The following CILK1 variants were observed in gnomAD, a reference collection of about 807,000 sequenced individuals.
CILK1 encodes the protein serine/threonine-protein kinase ICK.
Under a neutral mutation model 79.2 loss-of-function variants are expected in CILK1, and 47 were observed. The ratio of observed to expected loss-of-function variants is 0.59; its 90% CI spans 0.47 to 0.76. The LOEUF (loss-of-function observed/expected upper bound fraction) is 0.76. Among genes scored for constraint, CILK1 ranks in the 30% least tolerant of loss-of-function variants. CILK1 has a pLI of 0.00. For synonymous variants in CILK1, 266 were observed against 275.9 expected, an observed-to-expected ratio of 0.96 and a Z score of 0.36; for missense variants, 660 against 769.5, an observed-to-expected ratio of 0.86 and a Z score of 1.68.
chr6:53,019,346 T>G lies in CILK1; in HGVS notation c.372A>C (p.Arg124=), dbSNP rs759052504. 1.2e-6 allele frequency: 2 copies of G among 1,614,114 alleles called. No homozygotes were observed. Among genetic ancestry groups the G allele is most frequent in the Non-Finnish European group, 1.7e-6 (2 of 1,179,986 alleles). The change falls in exon 6 of 14, where the codon CGA becomes CGC. Residue 124 remains arginine, a synonymous_variant. Transcript: ENST00000676107. ...AGAGGAGGTTCTCAGGCTTTAAGTC[T>G]CGATGAAAGAAGCCTATAGAGACAG... The part of the protein sequence containing the change: ...AFIHKHGFFH[R]DLKPENLLCM...
intron 10 of CILK1, 34 bp from the exon 11 acceptor site, chr6:53,011,951 A>G (rs1197289755): frequency 6.2e-7 from 1 of 1,614,074 alleles, no homozygotes; most frequent in Non-Finnish European, 8.5e-7. Context: ...GGTCAGCACG[A>G]GAGACAGTAT....
rs373590672 is a variant in CILK1, at chr6:53,045,652, A to AT, written c.-172-4245dup. 4.3e-3 allele frequency among the ~76,000 whole-genome samples: 661 copies of AT among 152,228 alleles called. 2 individuals are homozygous for AT. Among genetic ancestry groups the AT allele is most frequent in the African/African-American group, 0.015 (611 of 41,534 alleles). On this transcript the variant is annotated intron_variant, in intron 1 of 13. Coordinates refer to ENST00000676107, the MANE Select transcript of CILK1 (RefSeq NM_014920.5). ...TGTATTAAATGTATTTTTGACAATGATTTTTTAACTTACAATGGGTTTATA... is the reference window on the plus strand; with the variant it reads ...TGTATTAAATGTATTTTTGACAATGATTTTTTTAACTTACAATGGGTTTATA...
chr6:53,052,645 T>C (rs1454409000), intron 1 of CILK1, among the ~76,000 whole-genome samples: 5 of 151,738 alleles, frequency 3.3e-5, no homozygotes, highest in African/African-American at 1.2e-4. Flanking sequence ...GCAGGAGAAT[T>C]GCTTGAACCC....
intron 5 of CILK1, among the ~76,000 whole-genome samples, chr6:53,023,493 G>C (rs1163284982): frequency 6.6e-6 from 1 of 152,210 alleles, no homozygotes; most frequent in East Asian, 1.9e-4. Context: ...ACAGCACTGA[G>C]AACTGAGAGA....
rs2127393751 is a variant in CILK1 at position 53,002,222 on chromosome 6, G to A, written c.*2927C>T. 1 of 152,284 alleles carries A rather than the reference G, an allele frequency of 6.6e-6. No homozygotes were observed. 9.4% of individuals were successfully genotyped at this position (152,284 alleles called of 1,614,324 possible). A position where few individuals can be genotyped will look rare whatever the true frequency, so the allele number is the denominator to read the frequency against. On this transcript the variant is annotated 3_prime_UTR_variant, in exon 14 of 14. Coordinates refer to ENST00000676107, the MANE Select transcript of CILK1 (RefSeq NM_014920.5). ...CAAGAGTAGTTTTTATGCAAATGCA[G>A]TTTTCCCTACTCTGCTGGCACTACC... is the stretch of plus-strand genomic sequence containing the variant.
intron 3 of CILK1, among the ~76,000 whole-genome samples, chr6:53,035,953 A>C: frequency 6.8e-6 from 1 of 146,694 alleles, no homozygotes; most frequent in Non-Finnish European, 1.5e-5. Flanking sequence ...AGGCCCAACA[A>C]GCGCGTGGGT....
chr6:53,048,576 A>C (rs1282629087), intron 1 of CILK1, among the ~76,000 whole-genome samples: 2 of 152,224 alleles, frequency 1.3e-5, no homozygotes, highest in African/African-American at 2.4e-5. Context: ...TGGTGGCCCA[A>C]ATATGATGAG....
In CILK1 at chr6:53,018,322, A is replaced by C; in HGVS notation, c.663+8T>G. 2 of 1,613,946 alleles carry C rather than the reference A, an allele frequency of 1.2e-6. No individual in the cohort carries two copies. The highest frequency in any genetic ancestry group is 1.7e-6 in the Non-Finnish European group (2 of 1,179,842). On this transcript the variant is annotated splice_region_variant and intron_variant, in intron 7 of 13. Coordinates refer to ENST00000676107, the MANE Select transcript of CILK1 (RefSeq NM_014920.5). ...TTTGGCCCACTGGCCTTTGTTTTGT[A>C]TCATTACCTTTTTTGGTGTCCCCAG...
chr6:53,014,258 A>C (rs547947604), intron 8 of CILK1, among the ~76,000 whole-genome samples: 4 of 152,324 alleles, frequency 2.6e-5, no homozygotes, highest in African/African-American at 7.2e-5. Flanking sequence ...ATCAACACAG[A>C]TCCTGGTTTT....
chr6:53,048,800 A>T (rs1767281149), intron 1 of CILK1, among the ~76,000 whole-genome samples: 1 of 152,230 alleles, frequency 6.6e-6, no homozygotes. Flanking sequence ...GGCATGAACT[A>T]TGATAGATCT....
intron 5 of CILK1, among the ~76,000 whole-genome samples, chr6:53,027,512 C>G (rs968896023): frequency 6.6e-6 from 1 of 152,210 alleles, no homozygotes; most frequent in Non-Finnish European, 1.5e-5. Context: ...GTCTACCCCC[C>G]AGAGGCAGAA....
At chr6:53,010,388 T>A (rs1562003870) in intron 11 of CILK1, among the ~76,000 whole-genome samples, 1 of 152,178 alleles carries the variant, frequency 6.6e-6, no homozygotes, top group Non-Finnish European at 1.5e-5. Context: ...TGTGCCGCCA[T>A]CTCCCTCACC....
chr6:53,043,388 T>C (rs1766841525), intron 1 of CILK1, among the ~76,000 whole-genome samples: 2 of 152,076 alleles, frequency 1.3e-5, no homozygotes, highest in African/African-American at 4.8e-5. Context: ...GAAAGCCGTG[T>C]GTGAGCTTGA....
At chr6:53,019,674 G>A (rs984904609) in intron 5 of CILK1, among the ~76,000 whole-genome samples, 1 of 152,032 alleles carries the variant, frequency 6.6e-6, no homozygotes, top group Non-Finnish European at 1.5e-5. Context: ...TCACTCAAGG[G>A]AAAAATATCA....
At position 53,002,460 on chromosome 6, in the gene CILK1, G is replaced by C. The variant is rs1452779058; in HGVS notation, c.*2689C>G. 1 of 152,192 alleles carries C rather than the reference G, an allele frequency of 6.6e-6. No individual in the cohort carries two copies. Among genetic ancestry groups the C allele is most frequent in the African/African-American group, 2.4e-5 (1 of 41,448 alleles). 9.4% of individuals were successfully genotyped at this position (152,192 alleles called of 1,614,324 possible). On this transcript the variant is annotated 3_prime_UTR_variant, in exon 14 of 14. Transcript: ENST00000676107. ...CATAATTGTATAGTAACAAAAAATA[G>C]AGGTAACAAGTAGCATTTTGTTTTC...
At chr6:53,044,452 C>T (rs1464225108) in intron 1 of CILK1, among the ~76,000 whole-genome samples, 1 of 152,048 alleles carries the variant, frequency 6.6e-6, no homozygotes, top group Non-Finnish European at 1.5e-5. Flanking sequence ...AGTTACTGTC[C>T]TGTGATTCAG....
At chr6:53,008,581 A>G (rs987367365) in intron 12 of CILK1, among the ~76,000 whole-genome samples, 6 of 151,740 alleles carry the variant, frequency 4.0e-5, no homozygotes, top group Admixed American at 3.9e-4. Flanking sequence ...TGCTGCCACC[A>G]TGCCTGGCTA....
intron 11 of CILK1, among the ~76,000 whole-genome samples, chr6:53,010,518 CAAA>C (rs1764511114): frequency 6.6e-6 from 1 of 152,222 alleles, no homozygotes; most frequent in Non-Finnish European, 1.5e-5. Flanking sequence ...AAGCAAAATC[CAAA>C]TTTCTTACAA....
chr6:53,049,010 A>G (rs1464446586), intron 1 of CILK1, among the ~76,000 whole-genome samples: 1 of 152,240 alleles, frequency 6.6e-6, no homozygotes, highest in Non-Finnish European at 1.5e-5. Flanking sequence ...GGGCTGAGGC[A>G]GAGACGGCTA....
Sources: allele counts gnomAD v4.1 joint callset (sites outside exome capture counted in the v4.1 genomes callset), GRCh38; gene constraint gnomAD v4.1.1; transcripts MANE v1.5; gene names NCBI Gene and HGNC (gene_info 2026-07-23, HGNC 2026-07-21).